Variants in RRAS2 observed in about 807,000 individuals in gnomAD.
RRAS2 encodes the protein RAS related 2.
In RRAS2, 7 loss-of-function variants were observed where a neutral mutation model predicts 27.6. That is an observed-to-expected ratio of 0.25 (90% CI 0.14 to 0.48). The LOEUF (loss-of-function observed/expected upper bound fraction) is 0.48. Ranked by LOEUF, RRAS2 falls within the 20% of genes least tolerant of loss-of-function variation. The pLI is 0.99. For synonymous variants in RRAS2, 86 were observed against 90.9 expected (o/e 0.95, Z 0.31); for missense variants, 178 against 256.2 (o/e 0.69, Z 2.08).
At chr11:14,302,064 C>CCACACACACACACACA (rs1391326999) in intron 1 of RRAS2, among the ~76,000 whole-genome samples, 102 of 51,704 alleles carry the variant, frequency 2.0e-3, no homozygotes, top group Non-Finnish European at 2.3e-3. Flanking sequence ...AGTAAATGTA[C>CCACACACACACACACA]CACACACATA....
chr11:14,360,067 C>G (rs1849168008), upstream of RRAS2, among the ~76,000 whole-genome samples: 2 of 152,104 alleles, frequency 1.3e-5, no homozygotes, highest in African/African-American at 4.8e-5. Flanking sequence ...TGCAGCTGTT[C>G]TCTTGGTATT....
At chr11:14,306,321 T>C (rs561713616) in intron 1 of RRAS2, among the ~76,000 whole-genome samples, 1 of 152,310 alleles carries the variant, frequency 6.6e-6, no homozygotes, top group Admixed American at 6.5e-5. Flanking sequence ...AAATATTTTT[T>C]CAATGGTTTT....
At chr11:14,329,090 C>CAT in intron 1 of RRAS2, among the ~76,000 whole-genome samples, 1 of 150,632 alleles carries the variant, frequency 6.6e-6, no homozygotes, top group South Asian at 2.1e-4. Flanking sequence ...CACACACACA[C>CAT]ACACACACGC....
intron 1 of RRAS2, among the ~76,000 whole-genome samples, chr11:14,329,580 G>C (rs142160795): frequency 6.6e-6 from 1 of 152,266 alleles, no homozygotes; most frequent in East Asian, 1.9e-4. Flanking sequence ...TATATAAGCT[G>C]TAGGTCCCCT....
chr11:14,306,030 C>T (rs1847820041), intron 1 of RRAS2, among the ~76,000 whole-genome samples: 2 of 152,000 alleles, frequency 1.3e-5, no homozygotes. Flanking sequence ...GGGCTACAGA[C>T]TGAGATCCTA....
chr11:14,304,221 G>A (rs1016845679), intron 1 of RRAS2, among the ~76,000 whole-genome samples: 5 of 152,174 alleles, frequency 3.3e-5, no homozygotes, highest in African/African-American at 9.7e-5. Flanking sequence ...GACTCCATTG[G>A]AGCCTCCCTC....
At chr11:14,280,726 CAAAAAAAAAAAAAAAAAA>C (rs58781581) in intron 5 of RRAS2, among the ~76,000 whole-genome samples, 8 of 48,330 alleles carry the variant, frequency 1.7e-4, no homozygotes, top group East Asian at 1.3e-3. Context: ...ACTCTGTTTC[CAAAAAAAAAAAAAAAAAA>C]AAAAAAAAAA....
At chr11:14,324,884 T>C (rs1286684718) in intron 1 of RRAS2, among the ~76,000 whole-genome samples, 1 of 152,116 alleles carries the variant, frequency 6.6e-6, no homozygotes, top group Non-Finnish European at 1.5e-5. Flanking sequence ...GAGCAGATCA[T>C]AGGGGAAGCA....
intron 1 of RRAS2, among the ~76,000 whole-genome samples, chr11:14,301,285 TG>T (rs1847695833): frequency 1.3e-5 from 2 of 152,232 alleles, no homozygotes; most frequent in South Asian, 4.1e-4. Flanking sequence ...CTAAATCTGG[TG>T]GTAGCACATA....
chr11:14,295,899 C>A, intron 1 of RRAS2, 44 bp from the exon 2 acceptor site: 8 of 1,560,924 alleles, frequency 5.1e-6, no homozygotes, highest in Non-Finnish European at 6.1e-6. Context: ...CATGGCCAGG[C>A]ATGGTAGCTC....
intron 1 of RRAS2, among the ~76,000 whole-genome samples, chr11:14,351,210 A>T (rs1554954727): frequency 6.6e-5 from 10 of 152,224 alleles, no homozygotes; most frequent in Non-Finnish European, 1.5e-4. Context: ...ATAAGTAACT[A>T]ATTTGTACTC....
intron 1 of RRAS2, among the ~76,000 whole-genome samples, chr11:14,328,272 A>T (rs1465546939): frequency 6.7e-6 from 1 of 149,764 alleles, no homozygotes; most frequent in African/African-American, 2.4e-5. Context: ...AGGCTGAGGC[A>T]GGAGAATCAC....
At chr11:14,293,905 A>T (rs1847480494) in intron 4 of RRAS2, among the ~76,000 whole-genome samples, 1 of 152,256 alleles carries the variant, frequency 6.6e-6, no homozygotes, top group African/African-American at 2.4e-5. Flanking sequence ...AAGTGGGTAA[A>T]GAAACAAGTG....
At chr11:14,341,293 T>C (rs1848700521) in intron 1 of RRAS2, among the ~76,000 whole-genome samples, 3 of 152,212 alleles carry the variant, frequency 2.0e-5, no homozygotes, top group Admixed American at 2.0e-4. Flanking sequence ...CAAACTACAT[T>C]ATGTGGGCAT....
intron 1 of RRAS2, among the ~76,000 whole-genome samples, chr11:14,314,946 C>CA (rs1564967276): frequency 1.3e-5 from 2 of 152,194 alleles, no homozygotes; most frequent in African/African-American, 2.4e-5. Context: ...CTCAGCCTCC[C>CA]AAAGTGCTGG....
intron 1 of RRAS2, among the ~76,000 whole-genome samples, chr11:14,324,062 A>G (rs1319245907): frequency 6.6e-6 from 1 of 151,924 alleles, no homozygotes; most frequent in African/African-American, 2.4e-5. Context: ...GTCTACTATT[A>G]CCATATTTAT....
At position 14,358,756 on chromosome 11, in the gene RRAS2, CA is replaced by C. The variant is rs2134048665; in HGVS notation, c.108+6del. 1 of 1,411,788 alleles carries C rather than the reference CA, an allele frequency of 7.1e-7. No homozygotes were observed. The highest frequency in any genetic ancestry group is 9.3e-7 in the Non-Finnish European group (1 of 1,069,618). 87.5% of individuals were successfully genotyped at this position (1,411,788 alleles called of 1,614,324 possible). A position where few individuals can be genotyped will look rare whatever the true frequency, so the allele number is the denominator to read the frequency against. ...TCCGGCGCCCCGGGCAGGCCCGCTC[CA>C]GGTACCTGGATGAACTGGATGGTGA... On this transcript the variant is annotated splice_donor_region_variant and intron_variant, in intron 1 of 5. Coordinates refer to ENST00000256196, the MANE Select transcript of RRAS2 (RefSeq NM_012250.6). This position sits in a 1 kb window ranked among gnomAD's most constrained non-coding sequence, Gnocchi z 5.1.
intron 1 of RRAS2, among the ~76,000 whole-genome samples, chr11:14,338,420 C>G (rs1392562461): frequency 6.6e-6 from 1 of 152,066 alleles, no homozygotes; most frequent in Non-Finnish European, 1.5e-5. Context: ...GGGGATGGGA[C>G]CCAAGTCTAA....
At chr11:14,341,671 CATG>C (rs1470322594) in intron 1 of RRAS2, 1 of 270,236 alleles carries the variant, frequency 3.7e-6, no homozygotes, top group Middle Eastern at 4.7e-4. Context: ...TCAAACAAGT[CATG>C]ATACCTTTAA....
Sources: gnomAD v4.1 joint callset for allele counts (sites outside exome capture counted in the v4.1 genomes callset) on GRCh38, gnomAD v4.1.1 for gene constraint, Gnocchi (gnomAD v3.1) non-coding constraint, MANE v1.5 for transcripts, NCBI Gene and HGNC (gene_info 2026-07-23, HGNC 2026-07-21) for gene names.